Variants in GLB1L2 observed in about 807,000 individuals in gnomAD.
The protein encoded by GLB1L2 is galactosidase beta 1 like 2, also known as beta-galactosidase-1-like protein 2.
Under a neutral mutation model 84.1 loss-of-function variants are expected in GLB1L2, and 68 were observed. The ratio of observed to expected loss-of-function variants is 0.81; its 90% CI spans 0.67 to 0.99. The LOEUF is 0.99. GLB1L2 is among the 50% of genes least tolerant of loss of function. The pLI is 0.00. For synonymous variants in GLB1L2, 290 were observed against 318.0 expected (o/e 0.91, Z 0.94); for missense variants, 762 against 805.6 (o/e 0.95, Z 0.66).
chr11:134,358,369 G>A (rs1224677212), intron 6 of GLB1L2, among the ~76,000 whole-genome samples: 2 of 152,258 alleles, frequency 1.3e-5, no homozygotes, highest in South Asian at 2.1e-4. Flanking sequence ...CAAGGCTCGC[G>A]TAGGACAGTC....
At chr11:134,336,730 C>T (rs1346839747) in intron 1 of GLB1L2, among the ~76,000 whole-genome samples, 3 of 151,714 alleles carry the variant, frequency 2.0e-5, no homozygotes, top group African/African-American at 7.3e-5. Context: ...TGTATATCTT[C>T]ATAGATAAGT....
chr11:134,344,318 G>A (rs780054197), intron 2 of GLB1L2, 69 bp from the exon 3 acceptor site: 2 of 1,579,598 alleles, frequency 1.3e-6, no homozygotes, highest in African/African-American at 1.3e-5. Flanking sequence ...TTGGGCTAAA[G>A]AAGGTAATGT....
chr11:134,349,051 G>C (rs913321378), intron 5 of GLB1L2, among the ~76,000 whole-genome samples: 8 of 152,136 alleles, frequency 5.3e-5, no homozygotes, highest in African/African-American at 1.7e-4. Context: ...TGCAACCACT[G>C]TCTATCTCCA....
intron 9 of GLB1L2, among the ~76,000 whole-genome samples, chr11:134,368,226 T>C (rs1447570198): frequency 6.6e-6 from 1 of 152,260 alleles, no homozygotes; most frequent in Non-Finnish European, 1.5e-5. Context: ...GATCTTGTTA[T>C]GTCATGGTTC....
chr11:134,349,590 C>T (rs541017361), intron 5 of GLB1L2, among the ~76,000 whole-genome samples: 1 of 152,344 alleles, frequency 6.6e-6, no homozygotes, highest in South Asian at 2.1e-4. Context: ...TTCCCCACAT[C>T]CTTGCCAACA....
intron 5 of GLB1L2, among the ~76,000 whole-genome samples, chr11:134,349,954 G>A (rs894921177): frequency 2.0e-5 from 3 of 152,086 alleles, no homozygotes; most frequent in South Asian, 2.1e-4. Context: ...TGACTCTGCC[G>A]GCGCCCTTTC....
Position 134,334,343 on chromosome 11 carries a change from T to C in GLB1L2, c.86+2196T>C, listed in dbSNP as rs1382754229. ...TGTTTGGCTATAGCTTTTCTTTTTTTTCATCAACTTTTCCTTGGGCTGGTT... is the reference window on the plus strand; with the variant it reads ...TGTTTGGCTATAGCTTTTCTTTTTTCTCATCAACTTTTCCTTGGGCTGGTT... On this transcript the variant is annotated intron_variant, in intron 1 of 18. Transcript: ENST00000535456. This position sits in a 1 kb window ranked among gnomAD's most constrained non-coding sequence, Gnocchi z 4.1. 6.6e-6 allele frequency among the ~76,000 whole-genome samples: 1 copy of C among 152,180 alleles called. No individual in the cohort carries two copies. The highest frequency in any genetic ancestry group is 1.5e-5 in the Non-Finnish European group (1 of 68,030).
At chr11:134,360,872 TTGGCCGGGCAG>T (rs1162649998) in intron 7 of GLB1L2, 2 of 152,178 alleles carry the variant, frequency 1.3e-5, no homozygotes, top group African/African-American at 4.8e-5. Context: ...GTTCTGCCTA[TTGGCCGGGCAG>T]TGGCTCAGGC....
chr11:134,344,255 G>A, intron 2 of GLB1L2, 132 bp from the exon 3 acceptor site: 1 of 1,119,784 alleles, frequency 8.9e-7, no homozygotes, highest in East Asian at 2.4e-5. Flanking sequence ...TTAGTTCTTG[G>A]TTCCAGTCCT....
At chr11:134,355,562 G>T (rs73604976) in intron 5 of GLB1L2, among the ~76,000 whole-genome samples, 11,547 of 152,242 alleles carry the variant, frequency 0.076, 554 homozygotes, top group East Asian at 0.19. Flanking sequence ...GTCTGTATCT[G>T]TGTGTGTGCT....
chr11:134,333,165 C>T (rs1044638231), intron 1 of GLB1L2, among the ~76,000 whole-genome samples: 7 of 152,170 alleles, frequency 4.6e-5, no homozygotes, highest in African/African-American at 1.7e-4. Flanking sequence ...TATGTTTACA[C>T]CTTGTCAAGA....
chr11:134,365,580 G>A (rs1943858385), intron 8 of GLB1L2, among the ~76,000 whole-genome samples: 2 of 152,198 alleles, frequency 1.3e-5, no homozygotes, highest in South Asian at 2.1e-4. Context: ...ATTAAATGAG[G>A]TAATATTTGG....
rs1191219957 is a variant in GLB1L2, at chr11:134,374,697, G to C, written c.1803G>C (p.Trp601Cys). 1.9e-6 allele frequency: 3 copies of C among 1,613,686 alleles called. No individual in the cohort carries two copies. Among genetic ancestry groups the C allele is most frequent in the Non-Finnish European group, 2.5e-6 (3 of 1,179,794 alleles). The change falls in exon 18 of 19, where the codon TGG (tryptophan) becomes TGC (cysteine). Residue 601 changes from tryptophan to cysteine, a missense_variant. Trp to Cys is a radical substitution (Grantham distance 215, BLOSUM62 -2). Transcript: ENST00000535456. ...AGACGCTTTACCTCCCAGGTCCCTG[G>C]TTGAGCAGCGGAATCAACCAGGTGG... is the stretch of plus-strand genomic sequence containing the variant. ...PQKTLYLPGPWLSSGINQVIV... is the reference protein window; with the variant it reads ...PQKTLYLPGPCLSSGINQVIV...
chr11:134,370,785 T>G lies in GLB1L2; in HGVS notation c.1216-223T>G, dbSNP rs190181416. 4.6e-5 allele frequency among the ~76,000 whole-genome samples: 7 copies of G among 152,260 alleles called. No individual in the cohort carries two copies. In the East Asian group the frequency reaches 1.4e-3, roughly 29 times the overall value. On this transcript the variant is annotated intron_variant, in intron 12 of 18. Coordinates refer to ENST00000535456, the MANE Select transcript of GLB1L2 (RefSeq NM_001370461.1). This position sits in a 1 kb window ranked among gnomAD's most constrained non-coding sequence, Gnocchi z 4.7. ...CCTCCGGCGGACTGAGGCTGTGATG[T>G]GTGTCCCCTGCCTGCGGACTGCACT...
rs1396990223 is a variant in GLB1L2, at chr11:134,331,988, G to A, written c.-74G>A. 10 of 1,065,734 alleles carry A rather than the reference G, an allele frequency of 9.4e-6. No homozygotes were observed. The highest frequency in any genetic ancestry group is 1.2e-5 in the Non-Finnish European group (9 of 751,664). 66.0% of individuals were successfully genotyped at this position (1,065,734 alleles called of 1,614,324 possible). A position where few individuals can be genotyped will look rare whatever the true frequency, so the allele number is the denominator to read the frequency against. On this transcript the variant is annotated 5_prime_UTR_variant, in exon 1 of 19. Transcript: ENST00000535456. The stretch of plus-strand genomic sequence containing the variant: ...CGACCAGTGCGCGGCTCCGCCCCCC[G>A]CGGCGAGGCTCCCGCGCGCGGCTGA...
At chr11:134,357,649 C>A (rs189321879) in intron 6 of GLB1L2, among the ~76,000 whole-genome samples, 1 of 152,370 alleles carries the variant, frequency 6.6e-6, no homozygotes, top group East Asian at 1.9e-4. Context: ...TCAGGGACGT[C>A]CTGCTCCACT....
chr11:134,364,709 G>A (rs553352778), intron 8 of GLB1L2: 3 of 331,592 alleles, frequency 9.0e-6, no homozygotes, highest in Non-Finnish European at 1.6e-5. Flanking sequence ...AGGGATTGAG[G>A]GGGGAAGGAA....
rs1943486721 is a variant in GLB1L2 at position 134,342,769 on chromosome 11, C to T, written c.102C>T (p.Thr34=). 6.2e-7 allele frequency: 1 copy of T among 1,613,882 alleles called. No homozygotes were observed. Among genetic ancestry groups the T allele is most frequent in the Non-Finnish European group, 8.5e-7 (1 of 1,179,976 alleles). Residue 34 remains threonine, a synonymous_variant, in exon 2 of 19, where the codon ACC becomes ACT. Transcript: ENST00000535456. ...GTCTTTCCAGGCTGGACTGGAGCAC[C>T]CTGGTCCCTCTGCGGCTCCGCCATC... The part of the protein sequence containing the change: ...FLVLRRLDWS[T]LVPLRLRHRQ...
rs60002415 is a variant in GLB1L2 at position 134,370,863 on chromosome 11, T to C, written c.1216-145T>C. 113,441 of 880,106 alleles carry C rather than the reference T, an allele frequency of 0.13. 8,437 individuals are homozygous for C. Among genetic ancestry groups the C allele is most frequent in the Non-Finnish European group, 0.16 (87,382 of 560,074 alleles). The allele number at this position is 880,106 out of a possible 1,614,324, so 54.5% of individuals were successfully genotyped here. On this transcript the variant is annotated intron_variant, in intron 12 of 18. Transcript: ENST00000535456. This position sits in a 1 kb window ranked among gnomAD's most constrained non-coding sequence, Gnocchi z 4.7. ...TCCTCTTCCCCGTCACCCTGGAGAG[T>C]TGTATGTTTAGTGCAATGAGAAGTC...
Sources: gnomAD v4.1 joint callset for allele counts (sites outside exome capture counted in the v4.1 genomes callset) on GRCh38, gnomAD v4.1.1 for gene constraint, Gnocchi (gnomAD v3.1) non-coding constraint, MANE v1.5 for transcripts, NCBI Gene and HGNC (gene_info 2026-07-23, HGNC 2026-07-21) for gene names.